Variants in FAM185A observed in about 807,000 individuals in gnomAD.
FAM185A encodes family with sequence similarity 185 member A, also known as protein FAM185A.
FAM185A carries 21 observed loss-of-function variants against 45.7 expected under a neutral mutation model. The ratio of observed to expected loss-of-function variants is 0.46; its 90% CI spans 0.33 to 0.66. FAM185A has a LOEUF of 0.66. Among genes scored for constraint, FAM185A ranks in the 30% least tolerant of loss-of-function variants. FAM185A has a pLI of 0.03. For missense variants in FAM185A, 305 were observed against 485.4 expected, an observed-to-expected ratio of 0.63 and a Z score of 3.49; for synonymous variants, 117 against 194.0, an observed-to-expected ratio of 0.60 and a Z score of 3.30.
the FAM185A span, among the ~76,000 whole-genome samples, chr7:102,835,482 G>A: frequency 2.0e-5 from 3 of 151,952 alleles, no homozygotes; most frequent in South Asian, 6.2e-4. Context: ...CATCATATTA[G>A]AACACAGTAA....
chr7:102,813,681 G>T, downstream of FAM185A: 2 of 751,116 alleles, frequency 2.7e-6, no homozygotes. Context: ...TGAGGATATG[G>T]GTAAGTGTAC....
downstream of FAM185A, among the ~76,000 whole-genome samples, chr7:102,814,117 A>C (rs1276402288): frequency 6.6e-6 from 1 of 152,218 alleles, no homozygotes; most frequent in Non-Finnish European, 1.5e-5. Context: ...GGAAACAAGA[A>C]AGTAAAGAAT....
chr7:102,788,083 C>T (rs1422921876), intron 7 of FAM185A, among the ~76,000 whole-genome samples: 2 of 151,984 alleles, frequency 1.3e-5, no homozygotes, highest in Admixed American at 6.6e-5. Flanking sequence ...TGTTGCCTCA[C>T]CCTCCTGAGT....
chr7:102,761,786 C>T (rs1048639377), intron 4 of FAM185A, among the ~76,000 whole-genome samples: 4 of 152,026 alleles, frequency 2.6e-5, no homozygotes, highest in African/African-American at 9.7e-5. Context: ...ACCCCAACCT[C>T]CCGAGAAGCT....
intron 7 of FAM185A, among the ~76,000 whole-genome samples, chr7:102,808,060 C>CAAACA (rs769123850): frequency 8.5e-5 from 13 of 152,238 alleles, no homozygotes; most frequent in Admixed American, 2.6e-4. Flanking sequence ...CACTATGTCT[C>CAAACA]AAACAAAACA....
intron 6 of FAM185A, among the ~76,000 whole-genome samples, chr7:102,779,528 A>G (rs528740434): frequency 6.6e-6 from 1 of 152,348 alleles, no homozygotes; most frequent in South Asian, 2.1e-4. Flanking sequence ...TTTTAAATCC[A>G]TGATTTTCTA....
chr7:102,844,618 C>T, the FAM185A span, among the ~76,000 whole-genome samples: 9 of 152,146 alleles, frequency 5.9e-5, no homozygotes, highest in Non-Finnish European at 1.3e-4. Flanking sequence ...CTCAATACTT[C>T]CAGAACACTT....
the FAM185A span, among the ~76,000 whole-genome samples, chr7:102,818,113 A>G: frequency 1.3e-5 from 2 of 152,230 alleles, no homozygotes; most frequent in African/African-American, 4.8e-5. Flanking sequence ...TCTCTTGAGT[A>G]GGCAAAAAAA....
At chr7:102,774,394 C>A (rs1794932544) in intron 5 of FAM185A, among the ~76,000 whole-genome samples, 2 of 152,068 alleles carry the variant, frequency 1.3e-5, no homozygotes, top group African/African-American at 4.8e-5. Flanking sequence ...AGTTTTACCT[C>A]TTTCCCTCCT....
At chr7:102,764,978 A>G (rs1794304541) in intron 4 of FAM185A, among the ~76,000 whole-genome samples, 2 of 152,420 alleles carry the variant, frequency 1.3e-5, no homozygotes, top group South Asian at 4.1e-4. Context: ...ACATGTATTG[A>G]GTACCTAAAT....
chr7:102,775,260 T>A (rs1794990627), intron 5 of FAM185A, among the ~76,000 whole-genome samples: 1 of 152,242 alleles, frequency 6.6e-6, no homozygotes, highest in African/African-American at 2.4e-5. Context: ...GTCACTGTGC[T>A]ATACATTAGA....
the FAM185A span, among the ~76,000 whole-genome samples, chr7:102,826,771 A>G: frequency 1.0e-5 from 1 of 95,432 alleles, no homozygotes; most frequent in Non-Finnish European, 2.1e-5. Context: ...ATATATATAT[A>G]TGTATATATA....
At chr7:102,821,876 G>A in the FAM185A span, among the ~76,000 whole-genome samples, 9 of 152,192 alleles carry the variant, frequency 5.9e-5, no homozygotes, top group African/African-American at 1.2e-4. Flanking sequence ...CACAAAGGCC[G>A]TTTTAGAACA....
chr7:102,782,672 A>G (rs1795485513), intron 6 of FAM185A, among the ~76,000 whole-genome samples: 1 of 152,202 alleles, frequency 6.6e-6, no homozygotes, highest in African/African-American at 2.4e-5. Flanking sequence ...GAAAGGAACA[A>G]CCAGTACCAG....
chr7:102,811,687 T>C (rs144331235), downstream of FAM185A, among the ~76,000 whole-genome samples: 15 of 152,336 alleles, frequency 9.8e-5, no homozygotes, highest in African/African-American at 3.6e-4. Context: ...ACCAGTTGTG[T>C]GCATGAAGCA....
At position 102,786,047 on chromosome 7, in the gene FAM185A, A is replaced by C. The variant is rs539685723; in HGVS notation, c.932-1288A>C. On this transcript the variant is annotated intron_variant, in intron 6 of 7. Transcript: ENST00000413034. The stretch of plus-strand genomic sequence containing the variant: ...ATATGAACAGACACTTCTCAAAAGA[A>C]GACATTTATGCAGCCAAAAGACACA... 3.9e-5 allele frequency among the ~76,000 whole-genome samples: 6 copies of C among 152,356 alleles called. No individual in the cohort carries two copies. The East Asian group carries it at 1.2e-3, about 29-fold the overall frequency.
the FAM185A span, among the ~76,000 whole-genome samples, chr7:102,827,559 G>A: frequency 1.3e-5 from 2 of 151,770 alleles, no homozygotes; most frequent in South Asian, 2.1e-4. Context: ...AAGTTTTAGG[G>A]TACATGTGCA....
chr7:102,808,257 C>G (rs1797250916), intron 7 of FAM185A, 33 bp from the exon 8 acceptor site: 1 of 1,376,600 alleles, frequency 7.3e-7, no homozygotes, highest in African/African-American at 1.4e-5. Context: ...AATTAATGCT[C>G]TTGATATAAT....
chr7:102,830,351 GTTCTCAC>G, the FAM185A span, among the ~76,000 whole-genome samples: 1 of 152,170 alleles, frequency 6.6e-6, no homozygotes, highest in Admixed American at 6.5e-5. Flanking sequence ...AGCCAGGGCA[GTTCTCAC>G]TTCTCACTAA....
Sources: allele counts gnomAD v4.1 joint callset (sites outside exome capture counted in the v4.1 genomes callset), GRCh38; gene constraint gnomAD v4.1.1; transcripts MANE v1.5; gene names NCBI Gene and HGNC (gene_info 2026-07-23, HGNC 2026-07-21).